KCNC3: variants seen among roughly 807,000 people sequenced by gnomAD.
The protein encoded by KCNC3 is potassium voltage-gated channel subfamily C member 3, also known as voltage-gated potassium channel KCNC3.
Under a neutral mutation model 43.9 loss-of-function variants are expected in KCNC3, and 22 were observed. The observed-to-expected ratio is 0.50, with a 90% CI of 0.36 to 0.72. The LOEUF (loss-of-function observed/expected upper bound fraction) is 0.72. Among genes scored for constraint, KCNC3 ranks in the 30% least tolerant of loss-of-function variants. The pLI is 0.00. For missense variants in KCNC3, 829 were observed against 1,073.8 expected (o/e 0.77, Z 3.19); for synonymous variants, 492 against 488.0 (o/e 1.01, Z -0.11).
rs953647148 is a variant in KCNC3, at chr19:50,328,332, C to T, written c.751G>A (p.Gly251Ser). 7 of 1,146,638 alleles carry T rather than the reference C, an allele frequency of 6.1e-6. No homozygotes were observed. The African/African-American group carries it at 1.2e-4, about 19-fold the overall frequency. 71.0% of individuals were successfully genotyped at this position (1,146,638 alleles called of 1,614,324 possible). A position where few individuals can be genotyped will look rare whatever the true frequency, so the allele number is the denominator to read the frequency against. Residue 251 changes from glycine (G) to serine (S), a missense_variant, in exon 1 of 5, where the codon GGC becomes AGC. Physicochemically the swap from Gly to Ser is moderately conservative, Grantham distance 56. Around this residue, in one of 7 missense-constraint regions of KCNC3, gnomAD observed 60 missense variants for 56.0 expected, o/e 1.07. Transcript: ENST00000477616. ...ELKRLCFQDA[G>S]GGAGGPPGGA... ...CCTGGCGGCCCCCCGGCGCCGCCGC[C>T]CGCGTCCTGGAAGCAGAGGCGCTTG...
upstream of KCNC3, among the ~76,000 whole-genome samples, chr19:50,331,241 C>T (rs1382875305): frequency 8.0e-6 from 1 of 125,558 alleles, no homozygotes; most frequent in Non-Finnish European, 1.6e-5. Flanking sequence ...AGGCCTCAGT[C>T]TCTCCTCCCT....
At chr19:50,322,264 C>T (rs991722540) in intron 2 of KCNC3, among the ~76,000 whole-genome samples, 4 of 152,124 alleles carry the variant, frequency 2.6e-5, no homozygotes, top group African/African-American at 7.2e-5. Flanking sequence ...CTTTCTTCTC[C>T]CTCATCTCTC....
chr19:50,326,359 G>A (rs904091168), intron 1 of KCNC3, among the ~76,000 whole-genome samples: 4 of 152,174 alleles, frequency 2.6e-5, no homozygotes, highest in Non-Finnish European at 5.9e-5. Flanking sequence ...GTGTCTTGAG[G>A]GGGCATCCAG....
chr19:50,329,190 AG>A lies in KCNC3; in HGVS notation c.-109del, dbSNP rs931140398. On this transcript the variant is annotated 5_prime_UTR_variant, in exon 1 of 5. Coordinates refer to ENST00000477616, the MANE Select transcript of KCNC3 (RefSeq NM_004977.3). The stretch of plus-strand genomic sequence containing the variant: ...GAGCGAGGTAGCGGGGGCGTGGCTT[AG>A]GGGAGAGGAACCAAACTGATTGGCC... 2 of 79,100 alleles carry A rather than the reference AG, an allele frequency of 2.5e-5. No homozygotes were observed. The highest frequency in any genetic ancestry group is 1.3e-4 in the African/African-American group (2 of 15,582). The allele number at this position is 79,100 out of a possible 1,614,324, so 4.9% of individuals were successfully genotyped here.
chr19:50,318,720 C>T (rs1042630403), intron 4 of KCNC3, among the ~76,000 whole-genome samples: 1 of 152,144 alleles, frequency 6.6e-6, no homozygotes, highest in Non-Finnish European at 1.5e-5. Flanking sequence ...AGACTGTAAA[C>T]CGTGATGGCA....
At position 50,320,296 on chromosome 19, in the gene KCNC3, T is replaced by G; in HGVS notation, c.2224A>C (p.Ser742Arg). 3.6e-6 allele frequency: 3 copies of G among 839,344 alleles called. No homozygotes were observed. Among genetic ancestry groups the G allele is most frequent in the Non-Finnish European group, 4.7e-6 (3 of 637,474 alleles). 52.0% of individuals were successfully genotyped at this position (839,344 alleles called of 1,614,324 possible). ...PQDWRKPGPP[S>R]FLPDLNANAA... ...TTGGCGTTGAGGTCGGGCAAGAAGCTTGGGGGGCCTGGCTTACGCCAGTCT... is the reference window on the plus strand; with the variant it reads ...TTGGCGTTGAGGTCGGGCAAGAAGCGTGGGGGGCCTGGCTTACGCCAGTCT... The change falls in exon 4 of 5, where the codon AGC becomes CGC. Residue 742 changes from serine (S) to arginine (R), a missense_variant. By Grantham distance (110) the Ser-to-Arg change is moderately radical (BLOSUM62 -1). Transcript: ENST00000477616.
upstream of KCNC3, among the ~76,000 whole-genome samples, chr19:50,333,032 C>CTCCAA (rs1173083232): frequency 6.6e-6 from 1 of 152,194 alleles, no homozygotes; most frequent in African/African-American, 2.4e-5. Context: ...CCCTAAAACC[C>CTCCAA]TCCAAGTACC....
In KCNC3 at chr19:50,323,546, A is replaced by T. The variant is rs2037063858; in HGVS notation, c.1407T>A (p.Ala469=). Reference sequence around the variant, plus strand: ...CATCGGGGTCGGCGCCAATGCGCTCAGCGTAGTAAATCATGGTGGCGAAGA... The same window carrying T: ...CATCGGGGTCGGCGCCAATGCGCTCTGCGTAGTAAATCATGGTGGCGAAGA... ...VLIFATMIYY[A]ERIGADPDDI... Residue 469 remains alanine (A), a synonymous_variant, in exon 2 of 5, where the codon GCT becomes GCA. Transcript: ENST00000477616. 3.1e-6 allele frequency: 5 copies of T among 1,614,248 alleles called. No individual in the cohort carries two copies. Among genetic ancestry groups the T allele is most frequent in the Non-Finnish European group, 3.4e-6 (4 of 1,180,046 alleles).
At chr19:50,318,884 C>T (rs745947297) in intron 4 of KCNC3, among the ~76,000 whole-genome samples, 2 of 150,914 alleles carry the variant, frequency 1.3e-5, no homozygotes, top group Non-Finnish European at 2.9e-5. Context: ...CAAGACCAAC[C>T]TGGCCAACAT....
At chr19:50,316,623 C>T (rs2036958090) in intron 4 of KCNC3, among the ~76,000 whole-genome samples, 1 of 152,164 alleles carries the variant, frequency 6.6e-6, no homozygotes, top group African/African-American at 2.4e-5. Flanking sequence ...GTAATTCCAG[C>T]TACTCTGGAG....
At chr19:50,331,678 C>G (rs973203199), upstream of KCNC3, among the ~76,000 whole-genome samples, 3 of 151,390 alleles carry the variant, frequency 2.0e-5, no homozygotes, top group Non-Finnish European at 4.4e-5. Context: ...CCTCCTCTGT[C>G]TCTGCTCTTT....
upstream of KCNC3, chr19:50,329,847 A>G (rs1238197844): frequency 1.1e-4 from 17 of 152,378 alleles, no homozygotes; most frequent in Admixed American, 1.1e-3. Context: ...GAGGGTCTGG[A>G]TAGGCCTAAG....
chr19:50,328,020 A>G (rs1601102076), intron 1 of KCNC3, among the ~76,000 whole-genome samples, 193 bp downstream of exon 1: 1 of 136,800 alleles, frequency 7.3e-6, no homozygotes, highest in Non-Finnish European at 1.6e-5. Context: ...CCGTCTTTGG[A>G]GGATCTGGGG....
At position 50,323,009 on chromosome 19, in the gene KCNC3, C is replaced by T; in HGVS notation, c.1944G>A (p.Leu648=). The T allele has an allele frequency of 6.5e-7, 1 of 1,549,494 alleles. No homozygotes were observed. Among genetic ancestry groups the T allele is most frequent in the Non-Finnish European group, 8.7e-7 (1 of 1,147,024 alleles). Residue 648 remains leucine (L), a synonymous_variant, in exon 2 of 5, where the codon TTG becomes TTA. Transcript: ENST00000477616. ...TGATCTCAATCACCTCCTCCTGAGC[C>T]AACGGGCAAGGCTCGCCGGGGGCTG... ...PLPAPGEPCP[L]AQEEVIEINR...
In KCNC3 at chr19:50,328,435, G is replaced by A; in HGVS notation, c.648C>T (p.Ala216=). The change falls in exon 1 of 5, where the codon GCC becomes GCT. Residue 216 remains alanine, a synonymous_variant. Transcript: ENST00000477616. ...DPAGAANAAN[A]AGAHDGGLDD... is the part of the protein sequence containing the mutation. Reference sequence around the variant, plus strand: ...CCAGGCCTCCGTCGTGGGCGCCTGCGGCGTTGGCGGCGTTGGCGGCGCCCG... The same window carrying A: ...CCAGGCCTCCGTCGTGGGCGCCTGCAGCGTTGGCGGCGTTGGCGGCGCCCG... The A allele has an allele frequency of 1.3e-6, 2 of 1,555,168 alleles. No individual in the cohort carries two copies.
rs1001983788 is a variant in KCNC3, at chr19:50,323,508, G to C, written c.1445C>G (p.Ser482Cys). ...IGADPDDILG[S>C]NHTYFKNIPI... Reference sequence around the variant, plus strand: ...GATGTTCTTGAAGTAGGTGTGGTTGGAGCCCAGGATGTCATCGGGGTCGGC... The same window carrying C: ...GATGTTCTTGAAGTAGGTGTGGTTGCAGCCCAGGATGTCATCGGGGTCGGC... Residue 482 changes from serine (S) to cysteine (C), a missense_variant, in exon 2 of 5, where the codon TCC becomes TGC. Transcript: ENST00000477616. 6.2e-7 allele frequency: 1 copy of C among 1,614,234 alleles called. No homozygotes were observed. The highest frequency in any genetic ancestry group is 8.5e-7 in the Non-Finnish European group (1 of 1,180,050).
chr19:50,318,723 T>G (rs1303694230), intron 4 of KCNC3, among the ~76,000 whole-genome samples: 2 of 152,128 alleles, frequency 1.3e-5, no homozygotes, highest in African/African-American at 4.8e-5. Flanking sequence ...CTGTAAACCG[T>G]GATGGCAGAT....
Position 50,324,416 on chromosome 19 carries a change from A to G in KCNC3, c.871-334T>C, listed in dbSNP as rs1173011337. On this transcript the variant is annotated intron_variant, in intron 1 of 4. Coordinates refer to ENST00000477616, the MANE Select transcript of KCNC3 (RefSeq NM_004977.3). This position sits in a 1 kb window ranked among gnomAD's most constrained non-coding sequence, Gnocchi z 4.1. Reference sequence around the variant, plus strand: ...CCCACCCTCCTGTTCCCTGTGTCCTATTTCAGGGCCCCCCAGCAGGGTCCA... The same window carrying G: ...CCCACCCTCCTGTTCCCTGTGTCCTGTTTCAGGGCCCCCCAGCAGGGTCCA... Among the ~76,000 whole-genome samples the G allele has an allele frequency of 6.6e-6, 1 of 151,680 alleles. No individual in the cohort carries two copies. Among genetic ancestry groups the G allele is most frequent in the African/African-American group, 2.4e-5 (1 of 41,270 alleles).
chr19:50,314,701 C>T lies in KCNC3; in HGVS notation c.*1414G>A. The T allele has an allele frequency of 2.3e-6, 1 of 427,532 alleles. No homozygotes were observed. The highest frequency in any genetic ancestry group is 1.6e-5 in the South Asian group (1 of 62,302). 26.5% of individuals were successfully genotyped at this position (427,532 alleles called of 1,614,324 possible). On this transcript the variant is annotated 3_prime_UTR_variant, in exon 5 of 5. Coordinates refer to ENST00000477616, the MANE Select transcript of KCNC3 (RefSeq NM_004977.3). ...GGGCCCAGGTTGGGGGTGAGGGGCCCGGGGGTGTCTGCTGGCATCGTCATC... is the reference window on the plus strand; with the variant it reads ...GGGCCCAGGTTGGGGGTGAGGGGCCTGGGGGTGTCTGCTGGCATCGTCATC...
Sources: allele counts gnomAD v4.1 joint callset (sites outside exome capture counted in the v4.1 genomes callset), GRCh38; gene constraint gnomAD v4.1.1; regional missense constraint gnomAD v4.1.1; non-coding constraint Gnocchi (gnomAD v3.1); transcripts MANE v1.5; gene names NCBI Gene and HGNC (gene_info 2026-07-23, HGNC 2026-07-21).